Variants in NF1 observed in about 807,000 individuals in gnomAD.
The protein encoded by NF1 is neurofibromin.
Under a neutral mutation model 325.7 loss-of-function variants are expected in NF1, and 122 were observed. The observed-to-expected ratio is 0.37, with a 90% confidence interval of 0.32 to 0.44. NF1 has a LOEUF of 0.44. Among genes scored for constraint, NF1 ranks in the 20% least tolerant of loss-of-function variants. The pLI is 1.00. For synonymous variants in NF1, 1,091 were observed against 1,186.0 expected (o/e 0.92, Z 1.65); for missense variants, 2,140 against 3,415.4 (o/e 0.63, Z 9.31).
intron 36 of NF1, among the ~76,000 whole-genome samples, chr17:31,267,954 TTTTATTGCA>T (rs2067820976): frequency 6.6e-6 from 1 of 152,350 alleles, no homozygotes; most frequent in East Asian, 1.9e-4. Flanking sequence ...TTAGTTAGGC[TTTTATTGCA>T]AAGCAGTCAT....
chr17:31,147,183 C>G (rs1427022478), intron 1 of NF1, among the ~76,000 whole-genome samples: 1 of 152,176 alleles, frequency 6.6e-6, no homozygotes, highest in Non-Finnish European at 1.5e-5. Context: ...GTATCCAGAT[C>G]AAGAAATAAA....
At chr17:31,333,068 G>T (rs938416063) in intron 39 of NF1, among the ~76,000 whole-genome samples, 1 of 152,040 alleles carries the variant, frequency 6.6e-6, no homozygotes, top group Non-Finnish European at 1.5e-5. Context: ...ATCTCAAAAA[G>T]AATATTTATA....
chr17:31,193,901 A>G (rs1424366647), intron 8 of NF1, among the ~76,000 whole-genome samples: 1 of 152,194 alleles, frequency 6.6e-6, no homozygotes, highest in East Asian at 1.9e-4. Context: ...ATGCTGGCAA[A>G]GGTGTGGAGA....
At chr17:31,130,979 C>G (rs185653376) in intron 1 of NF1, among the ~76,000 whole-genome samples, 1 of 151,994 alleles carries the variant, frequency 6.6e-6, no homozygotes, top group South Asian at 2.1e-4. Context: ...GGTATGTGGC[C>G]CCCCCCGGCA....
At chr17:31,141,661 T>C (rs565433966) in intron 1 of NF1, among the ~76,000 whole-genome samples, 12 of 152,272 alleles carry the variant, frequency 7.9e-5, no homozygotes, top group Admixed American at 3.9e-4. Flanking sequence ...CAACAGACAT[T>C]TATTATCCCA....
intron 1 of NF1, among the ~76,000 whole-genome samples, chr17:31,104,678 G>A (rs186872312): frequency 6.6e-6 from 1 of 152,294 alleles, no homozygotes; most frequent in African/African-American, 2.4e-5. Context: ...TGTGAATTAA[G>A]TTTAAGGTCT....
intron 1 of NF1, among the ~76,000 whole-genome samples, chr17:31,097,564 C>T (rs1197509904): frequency 6.6e-6 from 1 of 151,468 alleles, no homozygotes; most frequent in Non-Finnish European, 1.5e-5. Flanking sequence ...CTTAAGGCTT[C>T]GTTGTTTGTT....
In NF1 at chr17:31,349,210, AC is replaced by A. The variant is rs2070077277; in HGVS notation, c.7281del (p.Asp2427GlufsTer5). 1 of 1,613,628 alleles carries A rather than the reference AC, an allele frequency of 6.2e-7. No homozygotes were observed. Among genetic ancestry groups the A allele is most frequent in the Non-Finnish European group, 8.5e-7 (1 of 1,179,838 alleles). On this transcript the variant is annotated frameshift_variant, in exon 49 of 58. Transcript: ENST00000358273. LOFTEE classifies it high-confidence loss of function. ...LTLVNKHRNCDKFEVNTQSVA... is the reference protein window; with the variant it reads ...LTLVNKHRNCXKFEVNTQSVA... ...CTGGTTAACAAACACAGAAATTGTG[AC>A]AAATTTGAAGTGAATACACAGAGCG...
chr17:31,143,241 T>TCA (rs113633144), intron 1 of NF1, among the ~76,000 whole-genome samples: 5 of 151,544 alleles, frequency 3.3e-5, no homozygotes, highest in East Asian at 1.9e-4. Context: ...TTTTTTTAAA[T>TCA]CACACACACA....
At chr17:31,204,327 T>C (rs1018454761) in intron 11 of NF1, among the ~76,000 whole-genome samples, 1 of 152,140 alleles carries the variant, frequency 6.6e-6, no homozygotes, top group Non-Finnish European at 1.5e-5. Flanking sequence ...AGGAATTGTT[T>C]CCAAGGCATT....
At chr17:31,215,593 A>G (rs940898251) in intron 13 of NF1, among the ~76,000 whole-genome samples, 1 of 152,220 alleles carries the variant, frequency 6.6e-6, no homozygotes, top group African/African-American at 2.4e-5. Context: ...CATAATAAGC[A>G]CTAAATAAAT....
chr17:31,175,899 C>T (rs1440171970), intron 5 of NF1, among the ~76,000 whole-genome samples: 1 of 152,214 alleles, frequency 6.6e-6, no homozygotes, highest in Non-Finnish European at 1.5e-5. Context: ...ATATGTGCCA[C>T]ATTTTCTTTA....
chr17:31,318,126 TAC>T, intron 36 of NF1: 1 of 700,334 alleles, frequency 1.4e-6, no homozygotes. Context: ...AAAACAAAAG[TAC>T]ACAGTTTAAA....
chr17:31,304,474 C>T, intron 36 of NF1: 6 of 1,614,144 alleles, frequency 3.7e-6, no homozygotes, highest in Non-Finnish European at 4.2e-6. Flanking sequence ...TTGATTGAGA[C>T]AGTCCAGAGA....
intron 1 of NF1, among the ~76,000 whole-genome samples, chr17:31,125,153 T>C (rs920856099): frequency 6.6e-6 from 1 of 152,128 alleles, no homozygotes; most frequent in Non-Finnish European, 1.5e-5. Flanking sequence ...CCATGAACAA[T>C]GTATTGCTTT....
chr17:31,261,620 A>T (rs1224708823), intron 34 of NF1, 91 bp from the exon 35 acceptor site: 12 of 1,430,972 alleles, frequency 8.4e-6, no homozygotes, highest in Non-Finnish European at 1.2e-5. Flanking sequence ...AGCTGACAGT[A>T]AAAGGAAAAG....
At position 31,255,961 on chromosome 17, in the gene NF1, A is replaced by G. The variant is rs1031911660; in HGVS notation, c.4174-2383A>G. 7.9e-5 allele frequency among the ~76,000 whole-genome samples: 12 copies of G among 152,138 alleles called. No homozygotes were observed. The East Asian group carries it at 9.6e-4, about 12-fold the overall frequency. Reference sequence around the variant, plus strand: ...TAACTGGTTCTTTGAAAATTAAACTATGGGTTTTAGTTTTGTAAAAACTTT... The same window carrying G: ...TAACTGGTTCTTTGAAAATTAAACTGTGGGTTTTAGTTTTGTAAAAACTTT... On this transcript the variant is annotated intron_variant, in intron 31 of 57. Transcript: ENST00000358273.
chr17:31,182,082 ATT>A (rs2066148118), intron 7 of NF1, among the ~76,000 whole-genome samples: 1 of 152,244 alleles, frequency 6.6e-6, no homozygotes, highest in Admixed American at 6.5e-5. Context: ...CTGAAGCTTT[ATT>A]TTGTATTTAG....
At chr17:31,272,520 C>T (rs1468593196) in intron 36 of NF1, 1 of 152,176 alleles carries the variant, frequency 6.6e-6, no homozygotes, top group Non-Finnish European at 1.5e-5. Flanking sequence ...TCTATTCAGA[C>T]TTGTCTTGGA....
Sources: allele counts gnomAD v4.1 joint callset (sites outside exome capture counted in the v4.1 genomes callset), GRCh38; gene constraint gnomAD v4.1.1; transcripts MANE v1.5; gene names NCBI Gene and HGNC (gene_info 2026-07-23, HGNC 2026-07-21).